The following VPS53 variants were observed in gnomAD, a reference collection of about 807,000 sequenced individuals.
VPS53 encodes vacuolar protein sorting-associated protein 53 homolog.
In VPS53, 70 loss-of-function variants were observed where a neutral mutation model predicts 107.0. That is an observed-to-expected ratio of 0.65 (90% CI 0.54 to 0.80). VPS53 has a LOEUF of 0.80. VPS53 is among the 30% of genes least tolerant of loss of function. VPS53 has a pLI of 0.00. For synonymous variants in VPS53, 409 were observed against 393.3 expected, an observed-to-expected ratio of 1.04 and a Z score of -0.47; for missense variants, 917 against 1,049.4, an observed-to-expected ratio of 0.87 and a Z score of 1.74.
intron 12 of VPS53, among the ~76,000 whole-genome samples, chr17:599,005 G>T (rs1177269679): frequency 2.0e-5 from 2 of 101,960 alleles, no homozygotes; most frequent in African/African-American, 7.2e-5. Context: ...GTGGGGGGGG[G>T]GGTCAGCCCC....
At chr17:599,031 C>T (rs1159669117) in intron 12 of VPS53, among the ~76,000 whole-genome samples, 1 of 120,178 alleles carries the variant, frequency 8.3e-6, no homozygotes, top group Admixed American at 9.1e-5. Flanking sequence ...CGGCCAGCCG[C>T]CCCATCCGGG....
chr17:558,978 A>C (rs1359353574), intron 15 of VPS53, among the ~76,000 whole-genome samples: 2 of 152,148 alleles, frequency 1.3e-5, no homozygotes, highest in Non-Finnish European at 2.9e-5. Context: ...CCTGGAAGAC[A>C]GAGCAAGACT....
chr17:673,123 A>G (rs964790498), intron 4 of VPS53, among the ~76,000 whole-genome samples: 3 of 148,896 alleles, frequency 2.0e-5, no homozygotes, highest in Admixed American at 2.0e-4. Flanking sequence ...AAAAAAAAAC[A>G]AAAACAAAAA....
chr17:621,254 C>T (rs193267741), intron 11 of VPS53, among the ~76,000 whole-genome samples: 126 of 152,160 alleles, frequency 8.3e-4, no homozygotes, highest in African/African-American at 2.8e-3. Flanking sequence ...CTGCTGCGTC[C>T]GGCCCCCGTT....
chr17:619,544 C>T (rs1202365928), intron 11 of VPS53, among the ~76,000 whole-genome samples: 1 of 143,418 alleles, frequency 7.0e-6, no homozygotes, highest in East Asian at 2.1e-4. Context: ...CTAATATTTC[C>T]CGGGTAGCTG....
In VPS53 at chr17:553,708, C is replaced by T. The variant is rs141423790; in HGVS notation, c.1705-246G>A. Reference sequence around the variant, plus strand: ...GCCTCAGCCTCCCGAGTAGCTGGGACTACAGGCGTGCGCTACCACACCCGG... The same window carrying T: ...GCCTCAGCCTCCCGAGTAGCTGGGATTACAGGCGTGCGCTACCACACCCGG... On this transcript the variant is annotated intron_variant, in intron 15 of 21. Coordinates refer to ENST00000437048, the MANE Select transcript of VPS53 (RefSeq NM_001128159.3). Among the ~76,000 whole-genome samples, 254 of 151,522 alleles carry T rather than the reference C, an allele frequency of 1.7e-3. 1 individual carries two copies. Among genetic ancestry groups the T allele is most frequent in the East Asian group, 9.6e-3 (49 of 5,126 alleles).
chr17:587,408 C>T (rs1260056157), intron 12 of VPS53, among the ~76,000 whole-genome samples: 3 of 152,094 alleles, frequency 2.0e-5, no homozygotes, highest in Admixed American at 6.5e-5. Flanking sequence ...AATAAAATAG[C>T]AGCATATAGG....
chr17:684,653 CCAAT>C (rs1400535382), intron 4 of VPS53, among the ~76,000 whole-genome samples: 27 of 152,174 alleles, frequency 1.8e-4, no homozygotes, highest in African/African-American at 6.5e-4. Context: ...CAACGCAATC[CCAAT>C]CAAAGTCCCA....
At chr17:631,522 T>G (rs774268926) in intron 8 of VPS53, 28 bp downstream of exon 8, 1 of 1,611,058 alleles carries the variant, frequency 6.2e-7, no homozygotes, top group Non-Finnish European at 8.5e-7. Flanking sequence ...TGATCATCTC[T>G]AAAGACTGGG....
At chr17:567,280 C>T (rs180968872) in intron 13 of VPS53, among the ~76,000 whole-genome samples, 3 of 152,290 alleles carry the variant, frequency 2.0e-5, no homozygotes, top group African/African-American at 7.2e-5. Flanking sequence ...GATGTCTACT[C>T]GGTTACTTCT....
rs1184638230 is a variant in VPS53 at position 689,464 on chromosome 17, ATTTTTTTTTTT to A, written c.285+7943_285+7953del. On this transcript the variant is annotated intron_variant, in intron 4 of 21. Transcript: ENST00000437048. ...AGGTTTGTGCCACCATGCTGGACTA[ATTTTTTTTTTT>A]TTTTTTTTTTTTTTTTGAGATGGAG... 5.4e-5 allele frequency among the ~76,000 whole-genome samples: 6 copies of A among 111,640 alleles called. No individual in the cohort carries two copies. The East Asian group carries it at 1.3e-3, about 23-fold the overall frequency. 73.2% of individuals were successfully genotyped at this position (111,640 alleles called of 152,430 possible).
At chr17:547,420 C>A (rs965763647) in intron 17 of VPS53, among the ~76,000 whole-genome samples, 10 of 152,122 alleles carry the variant, frequency 6.6e-5, no homozygotes, top group African/African-American at 2.4e-4. Context: ...GAAAGCCAAG[C>A]ACAAGATGTC....
chr17:652,328 C>T (rs1420950522), intron 7 of VPS53, among the ~76,000 whole-genome samples: 1 of 152,166 alleles, frequency 6.6e-6, no homozygotes, highest in Non-Finnish European at 1.5e-5. Flanking sequence ...ACCGCCACAG[C>T]AATCTATCCC....
At chr17:609,365 G>A (rs1437934959) in intron 11 of VPS53, among the ~76,000 whole-genome samples, 3 of 152,106 alleles carry the variant, frequency 2.0e-5, no homozygotes, top group Admixed American at 1.3e-4. Flanking sequence ...TCCACTGTAC[G>A]GACAGACCAC....
chr17:521,836 A>C, intron 19 of VPS53, 98 bp from the exon 20 acceptor site: 1 of 1,287,248 alleles, frequency 7.8e-7, no homozygotes. Context: ...TATACACGTA[A>C]CACATTCTTG....
chr17:549,521 G>A lies in VPS53; in HGVS notation c.1866+2351C>T, dbSNP rs143634639. On this transcript the variant is annotated intron_variant, in intron 17 of 21. Transcript: ENST00000437048. Reference sequence around the variant, plus strand: ...AGGGTTTGAGGGAAATCCACCGAACGAACCGACAGTTCGTATAAGCAACAC... The same window carrying A: ...AGGGTTTGAGGGAAATCCACCGAACAAACCGACAGTTCGTATAAGCAACAC... Among the ~76,000 whole-genome samples, 804 of 152,026 alleles carry A rather than the reference G, an allele frequency of 5.3e-3. 22 individuals are homozygous for A. Among genetic ancestry groups the A allele is most frequent in the Admixed American group, 0.047 (722 of 15,276 alleles).
At chr17:536,731 A>G (rs576378497) in intron 18 of VPS53, 4 of 317,506 alleles carry the variant, frequency 1.3e-5, no homozygotes, top group East Asian at 1.5e-4. Context: ...TGAGTATGAC[A>G]CTGAAATGGC....
intron 13 of VPS53, among the ~76,000 whole-genome samples, chr17:573,924 T>G (rs1325101422): frequency 6.6e-6 from 1 of 152,192 alleles, no homozygotes; most frequent in African/African-American, 2.4e-5. Flanking sequence ...GCCTCAGGAT[T>G]CTTTGAAGGG....
chr17:568,567 G>C (rs949153863), intron 13 of VPS53, among the ~76,000 whole-genome samples: 1 of 152,118 alleles, frequency 6.6e-6, no homozygotes, highest in Non-Finnish European at 1.5e-5. Flanking sequence ...TTAATTCAAG[G>C]GTACTCCCAC....
Sources: allele counts gnomAD v4.1 joint callset (sites outside exome capture counted in the v4.1 genomes callset), GRCh38; gene constraint gnomAD v4.1.1; transcripts MANE v1.5; gene names NCBI Gene and HGNC (gene_info 2026-07-23, HGNC 2026-07-21).